Variants in ITGAL observed in about 807,000 individuals in gnomAD.
The protein encoded by ITGAL is integrin alpha-L.
Under a neutral mutation model 138.4 loss-of-function variants are expected in ITGAL, and 68 were observed. The observed-to-expected ratio is 0.49, with a 90% CI of 0.40 to 0.60. The LOEUF (loss-of-function observed/expected upper bound fraction) is 0.60, where lower values mean the gene tolerates loss of function less well. Ranked by LOEUF, ITGAL falls within the 20% of genes least tolerant of loss-of-function variation. The pLI is 0.00. For missense variants in ITGAL, 1,256 were observed against 1,478.6 expected (o/e 0.85, Z 2.47); for synonymous variants, 561 against 584.3 (o/e 0.96, Z 0.57).
At chr16:30,516,489 C>T (rs929134044) in intron 25 of ITGAL, among the ~76,000 whole-genome samples, 1 of 152,076 alleles carries the variant, frequency 6.6e-6, no homozygotes, top group Non-Finnish European at 1.5e-5. Flanking sequence ...CTCAGCCTCC[C>T]AAAGTGCTGG....
At chr16:30,473,516 C>T (rs1242547641) in intron 1 of ITGAL, among the ~76,000 whole-genome samples, 1 of 152,184 alleles carries the variant, frequency 6.6e-6, no homozygotes, top group Non-Finnish European at 1.5e-5. Context: ...GCCACCTCTG[C>T]GCGTTTTAGG....
intron 1 of ITGAL, 151 bp from the exon 2 acceptor site, chr16:30,474,045 A>G (rs750090316): frequency 2.8e-6 from 2 of 703,570 alleles, no homozygotes; most frequent in African/African-American, 1.7e-5. Flanking sequence ...TGCTCCTTCC[A>G]TATTCCCAGA....
At chr16:30,476,403 A>G (rs1172108681) in intron 4 of ITGAL, among the ~76,000 whole-genome samples, 1 of 152,152 alleles carries the variant, frequency 6.6e-6, no homozygotes, top group African/African-American at 2.4e-5. Flanking sequence ...ATGCAATATG[A>G]TTTTTAGTGG....
In ITGAL at chr16:30,496,571, G is replaced by A; in HGVS notation, c.1832+5G>A. ...GAGCCAGATGATCGTGCTGAGGTGA[G>A]ATGGGTCTCCCAGGTCACACCTGAT... On this transcript the variant is annotated splice_donor_5th_base_variant and intron_variant, in intron 15 of 30. Transcript: ENST00000356798. The A allele has an allele frequency of 2.5e-6, 4 of 1,611,404 alleles. No individual in the cohort carries two copies. The highest frequency in any genetic ancestry group is 2.5e-6 in the Non-Finnish European group (3 of 1,178,720).
intron 11 of ITGAL, among the ~76,000 whole-genome samples, chr16:30,493,280 T>TATTTTATTTTATTTG (rs2050751136): frequency 6.6e-6 from 1 of 150,420 alleles, no homozygotes; most frequent in Admixed American, 6.7e-5. Flanking sequence ...TATTTTATTT[T>TATTTTATTTTATTTG]ATTTATTTAT....
Position 30,475,377 on chromosome 16 carries a change from ACTGCCTGC to A in ITGAL, c.238_245del (p.Cys80SerfsTer30), listed in dbSNP as rs1177984059. Reference sequence around the variant, plus strand: ...TATCAGTGCCAGTCGGGCACAGGACACTGCCTGCCAGTCACCCTGAGAGGTGAGTAACT... The same window carrying A: ...TATCAGTGCCAGTCGGGCACAGGACACAGTCACCCTGAGAGGTGAGTAACT... On this transcript the variant is annotated frameshift_variant, in exon 3 of 31. Transcript: ENST00000356798. LOFTEE classifies it high-confidence loss of function. 6.2e-7 allele frequency: 1 copy of A among 1,613,786 alleles called. No individual in the cohort carries two copies. The highest frequency in any genetic ancestry group is 1.7e-5 in the Admixed American group (1 of 59,986).
chr16:30,490,672 T>G (rs946540787), intron 11 of ITGAL, among the ~76,000 whole-genome samples: 4 of 152,130 alleles, frequency 2.6e-5, no homozygotes, highest in Non-Finnish European at 4.4e-5. Context: ...AGGCACATTT[T>G]AAAACAACCT....
At chr16:30,502,376 G>A (rs567301031) in intron 17 of ITGAL, among the ~76,000 whole-genome samples, 222 of 120,844 alleles carry the variant, frequency 1.8e-3, no homozygotes, top group Non-Finnish European at 2.2e-3. Flanking sequence ...CAGCCTGGGC[G>A]ACAGAGCAAG....
At chr16:30,507,226 G>A (rs1288705093) in intron 21 of ITGAL, among the ~76,000 whole-genome samples, 1 of 152,174 alleles carries the variant, frequency 6.6e-6, no homozygotes, top group East Asian at 1.9e-4. Context: ...TTGGGAGGCC[G>A]AGGCGGGCGG....
chr16:30,519,704 T>G, intron 29 of ITGAL, 153 bp from the exon 30 acceptor site: 1 of 667,692 alleles, frequency 1.5e-6, no homozygotes, highest in Non-Finnish European at 2.7e-6. Context: ...GCGACTGCAA[T>G]AGGTGACGTG....
intron 15 of ITGAL, 59 bp from the exon 16 acceptor site, chr16:30,499,015 C>G: frequency 6.5e-7 from 1 of 1,550,324 alleles, no homozygotes. Flanking sequence ...AGCCCCACAT[C>G]TGAGGGGGGA....
chr16:30,493,637 C>G (rs2151156085), intron 11 of ITGAL, among the ~76,000 whole-genome samples: 2 of 152,204 alleles, frequency 1.3e-5, no homozygotes, highest in South Asian at 4.1e-4. Context: ...TGCCTGTAAC[C>G]CCAGCACTTT....
chr16:30,518,716 C>A lies in ITGAL; in HGVS notation c.3225C>A (p.Ala1075=), dbSNP rs200618027. The change falls in exon 29 of 31, where the codon GCC becomes GCA. Residue 1075 remains alanine, a synonymous_variant. Transcript: ENST00000356798. ...FHLYGSNASL[A]QVVMKVDVVY... is the part of the protein sequence containing the mutation. ...TCTATGGCAGCAACGCCTCCCTGGCCCAGGTATCTCCACCTCCTTGGAAGC... is the reference window on the plus strand; with the variant it reads ...TCTATGGCAGCAACGCCTCCCTGGCACAGGTATCTCCACCTCCTTGGAAGC... 1 of 1,608,418 alleles carries A rather than the reference C, an allele frequency of 6.2e-7. No homozygotes were observed. Among genetic ancestry groups the A allele is most frequent in the Admixed American group, 1.7e-5 (1 of 60,012 alleles).
At position 30,494,336 on chromosome 16, in the gene ITGAL, C is replaced by T. The variant is rs759205869; in HGVS notation, c.1338C>T (p.Ser446=). 1.9e-6 allele frequency: 3 copies of T among 1,612,072 alleles called. No homozygotes were observed. The highest frequency in any genetic ancestry group is 2.5e-6 in the Non-Finnish European group (3 of 1,178,624). ...AGCCACAGGGCGGAGGACACTGGAG[C>T]CAGGTCCAGACAATCCATGGGACCC... The part of the protein sequence containing the change: ...FQEPQGGGHW[S]QVQTIHGTQI... Residue 446 remains serine (S), a synonymous_variant, in exon 12 of 31, where the codon AGC becomes AGT. Transcript: ENST00000356798. This position sits in a 1 kb window ranked among gnomAD's most constrained non-coding sequence, Gnocchi z 4.2.
Position 30,494,463 on chromosome 16 carries a change from C to A in ITGAL, c.1365+100C>A. The stretch of plus-strand genomic sequence containing the variant: ...TGCTCATCCACTTACCATGTGGCAG[C>A]CCCTGTGCTAAACATGATCACATTT... On this transcript the variant is annotated intron_variant, in intron 12 of 30. Transcript: ENST00000356798. The surrounding 1 kb of genome is among the most constrained non-coding windows in gnomAD (Gnocchi z 4.2). 7.8e-7 allele frequency: 1 copy of A among 1,276,798 alleles called. No homozygotes were observed. Among genetic ancestry groups the A allele is most frequent in the Non-Finnish European group, 1.1e-6 (1 of 931,770 alleles). The allele number at this position is 1,276,798 out of a possible 1,614,324, so 79.1% of individuals were successfully genotyped here.
intron 15 of ITGAL, among the ~76,000 whole-genome samples, chr16:30,498,104 G>A (rs1189045622): frequency 6.6e-6 from 1 of 151,596 alleles, no homozygotes; most frequent in Non-Finnish European, 1.5e-5. Context: ...GGAGGCACGG[G>A]GGGCTTAGTC....
At position 30,489,246 on chromosome 16, in the gene ITGAL, C is replaced by T; in HGVS notation, c.1081-8C>T. ...GTAGCTGACCCGCTCATCTCCTTCC[C>T]TGGGCAGGGCCATGCAGTCGTGGGG... On this transcript the variant is annotated splice_region_variant and splice_polypyrimidine_tract_variant and intron_variant, in intron 10 of 30. Transcript: ENST00000356798. 1 of 1,614,088 alleles carries T rather than the reference C, an allele frequency of 6.2e-7. No individual in the cohort carries two copies. The highest frequency in any genetic ancestry group is 8.5e-7 in the Non-Finnish European group (1 of 1,179,942).
intron 21 of ITGAL, among the ~76,000 whole-genome samples, chr16:30,508,919 G>A (rs1450758647): frequency 6.6e-6 from 1 of 152,080 alleles, no homozygotes; most frequent in African/African-American, 2.4e-5. Flanking sequence ...GTTCACGCCT[G>A]TAATCCCAGT....
chr16:30,520,911 C>A (rs558985069), intron 30 of ITGAL, among the ~76,000 whole-genome samples: 2 of 152,120 alleles, frequency 1.3e-5, no homozygotes, highest in Non-Finnish European at 2.9e-5. Flanking sequence ...ATGGAGAAAC[C>A]CTGTCTCTAC....
Sources: allele counts gnomAD v4.1 joint callset (sites outside exome capture counted in the v4.1 genomes callset), GRCh38; gene constraint gnomAD v4.1.1; non-coding constraint Gnocchi (gnomAD v3.1); transcripts MANE v1.5; gene names NCBI Gene and HGNC (gene_info 2026-07-23, HGNC 2026-07-21).